The following THSD7B variants were observed in gnomAD, a reference collection of about 807,000 sequenced individuals.
The protein encoded by THSD7B is thrombospondin type 1 domain containing 7B.
Under a neutral mutation model 213.6 loss-of-function variants are expected in THSD7B, and 138 were observed. The observed-to-expected ratio is 0.65, with a 90% confidence interval of 0.56 to 0.74. THSD7B has a LOEUF of 0.74. Among genes scored for constraint, THSD7B ranks in the 30% least tolerant of loss-of-function variants. The probability of loss-of-function intolerance (pLI) is 0.00; values close to 1 mark genes in which losing one functional copy is unlikely to be tolerated. For synonymous variants in THSD7B, 742 were observed against 687.0 expected (o/e 1.08, Z -1.25); for missense variants, 1,931 against 1,991.5 (o/e 0.97, Z 0.58).
At chr2:137,303,461 A>T (rs893208615) in intron 12 of THSD7B, among the ~76,000 whole-genome samples, 1 of 151,512 alleles carries the variant, frequency 6.6e-6, no homozygotes, top group African/African-American at 2.4e-5. Context: ...AAAGTTGCTG[A>T]ATTTCAAATG....
intron 7 of THSD7B, among the ~76,000 whole-genome samples, chr2:137,218,769 T>C (rs1169443147): frequency 1.3e-5 from 2 of 152,134 alleles, no homozygotes; most frequent in African/African-American, 2.4e-5. Context: ...CTCCCCATTC[T>C]GTTTTTCTGA....
At chr2:137,418,468 T>G (rs1405267304) in intron 14 of THSD7B, among the ~76,000 whole-genome samples, 1 of 152,222 alleles carries the variant, frequency 6.6e-6, no homozygotes, top group African/African-American at 2.4e-5. Context: ...TGCATACAAC[T>G]GATAATTTGA....
chr2:137,198,800 A>G (rs1029340808), intron 7 of THSD7B, among the ~76,000 whole-genome samples: 6 of 152,208 alleles, frequency 3.9e-5, no homozygotes, highest in African/African-American at 1.4e-4. Flanking sequence ...GTTATAAAAG[A>G]AAAACTGGAA....
chr2:137,605,709 G>A (rs1018581873), intron 17 of THSD7B, among the ~76,000 whole-genome samples: 3 of 119,186 alleles, frequency 2.5e-5, no homozygotes, highest in East Asian at 2.9e-4. Context: ...CTGCTCCGTC[G>A]CCAGGCTGGA....
At chr2:137,101,117 C>A (rs1231843911) in intron 4 of THSD7B, among the ~76,000 whole-genome samples, 1 of 152,172 alleles carries the variant, frequency 6.6e-6, no homozygotes, top group Non-Finnish European at 1.5e-5. Context: ...CTCACCACAA[C>A]CTCTGCCTCC....
chr2:137,179,076 C>T (rs1680408121), intron 7 of THSD7B, among the ~76,000 whole-genome samples: 2 of 152,006 alleles, frequency 1.3e-5, no homozygotes, highest in Admixed American at 1.3e-4. Context: ...CTTTCTGTTC[C>T]CATTCTATAT....
intron 2 of THSD7B, among the ~76,000 whole-genome samples, chr2:136,976,875 C>T (rs1364243609): frequency 6.6e-6 from 1 of 152,184 alleles, no homozygotes; most frequent in Admixed American, 6.5e-5. Flanking sequence ...CCCGCCTCGG[C>T]CTCCCAAAGT....
intron 3 of THSD7B, among the ~76,000 whole-genome samples, chr2:137,070,035 T>C (rs1346292598): frequency 6.6e-6 from 1 of 151,776 alleles, no homozygotes; most frequent in Non-Finnish European, 1.5e-5. Flanking sequence ...TTTGTACATA[T>C]TGAACATTAA....
intron 2 of THSD7B, among the ~76,000 whole-genome samples, chr2:137,020,608 C>T (rs1234396508): frequency 6.6e-6 from 1 of 152,094 alleles, no homozygotes; most frequent in African/African-American, 2.4e-5. Flanking sequence ...AACCCCTGTA[C>T]CCTGCACATC....
chr2:137,467,432 T>C (rs1382107440), intron 15 of THSD7B, among the ~76,000 whole-genome samples: 2 of 152,112 alleles, frequency 1.3e-5, no homozygotes, highest in African/African-American at 4.8e-5. Context: ...GGAAAGGAGA[T>C]AGCCTGCAAT....
At chr2:136,948,598 A>G (rs747347704) in intron 2 of THSD7B, among the ~76,000 whole-genome samples, 5 of 152,210 alleles carry the variant, frequency 3.3e-5, no homozygotes, top group Non-Finnish European at 2.9e-5. Flanking sequence ...TATTTGTATG[A>G]TATGTATAAG....
intron 12 of THSD7B, among the ~76,000 whole-genome samples, chr2:137,402,341 C>T (rs1474919541): frequency 1.3e-5 from 2 of 152,032 alleles, no homozygotes; most frequent in Admixed American, 6.6e-5. Context: ...CTTATGCTTT[C>T]CTTTATTAAT....
intron 12 of THSD7B, among the ~76,000 whole-genome samples, chr2:137,353,734 C>A (rs1021799999): frequency 5.3e-5 from 8 of 152,200 alleles, no homozygotes; most frequent in African/African-American, 1.7e-4. Context: ...GAATCTTATA[C>A]CTATTCTGCC....
intron 12 of THSD7B, among the ~76,000 whole-genome samples, chr2:137,316,461 A>G (rs112213468): frequency 6.6e-6 from 1 of 152,226 alleles, no homozygotes; most frequent in Non-Finnish European, 1.5e-5. Flanking sequence ...TGAATCATCT[A>G]AATAAGAACT....
intron 15 of THSD7B, among the ~76,000 whole-genome samples, chr2:137,505,633 C>T (rs1679817068): frequency 6.6e-6 from 1 of 152,140 alleles, no homozygotes; most frequent in South Asian, 2.1e-4. Flanking sequence ...GGCAACTTTG[C>T]ATAATAGTCA....
At chr2:137,013,923 C>G (rs1363369317) in intron 2 of THSD7B, among the ~76,000 whole-genome samples, 1 of 152,156 alleles carries the variant, frequency 6.6e-6, no homozygotes. Flanking sequence ...CTGTTACATT[C>G]ATGTTGGTGA....
intron 4 of THSD7B, among the ~76,000 whole-genome samples, chr2:137,101,660 C>T (rs960270513): frequency 6.6e-6 from 1 of 152,156 alleles, no homozygotes; most frequent in Non-Finnish European, 1.5e-5. Flanking sequence ...TCGCTGCCAG[C>T]ACAGCAGTCT....
At chr2:136,869,598 T>TA (rs1353846176) in intron 1 of THSD7B, among the ~76,000 whole-genome samples, 6 of 152,320 alleles carry the variant, frequency 3.9e-5, no homozygotes, top group East Asian at 3.9e-4. Context: ...CCATAAGAAG[T>TA]AAAAAAATCA....
At chr2:136,875,029 T>G (rs1683504047) in intron 1 of THSD7B, among the ~76,000 whole-genome samples, 1 of 152,202 alleles carries the variant, frequency 6.6e-6, no homozygotes, top group Non-Finnish European at 1.5e-5. Context: ...GATACAAAAA[T>G]GACTCCCAAT....
Sources: allele counts gnomAD v4.1 joint callset (sites outside exome capture counted in the v4.1 genomes callset), GRCh38; gene constraint gnomAD v4.1.1; transcripts MANE v1.5; gene names NCBI Gene and HGNC (gene_info 2026-07-23, HGNC 2026-07-21).